Variants in GPD2 observed in about 807,000 individuals in gnomAD.
GPD2 encodes the protein glycerol-3-phosphate dehydrogenase 2.
In GPD2, 54 loss-of-function variants were observed where a neutral mutation model predicts 82.4. The observed-to-expected ratio is 0.66, with a 90% CI of 0.53 to 0.82. The LOEUF (loss-of-function observed/expected upper bound fraction) is 0.82, where lower values mean the gene tolerates loss of function less well. Ranked by LOEUF, GPD2 falls within the 40% of genes least tolerant of loss-of-function variation. The pLI, the probability that GPD2 is intolerant of heterozygous loss-of-function variation, is 0.00. For synonymous variants in GPD2, 288 were observed against 306.1 expected (o/e 0.94, Z 0.62); for missense variants, 748 against 896.2 (o/e 0.83, Z 2.11).
At chr2:156,451,830 G>A (rs1263495324) in intron 1 of GPD2, among the ~76,000 whole-genome samples, 3 of 151,588 alleles carry the variant, frequency 2.0e-5, no homozygotes, top group Non-Finnish European at 4.4e-5. Context: ...CCAGGCGGAG[G>A]GGCTCCTCAC....
chr2:156,524,961 A>G (rs1685550361), intron 6 of GPD2, among the ~76,000 whole-genome samples: 1 of 152,170 alleles, frequency 6.6e-6, no homozygotes, highest in African/African-American at 2.4e-5. Context: ...ATAAAATGTT[A>G]CTTTTATAAT....
the GPD2 span, among the ~76,000 whole-genome samples, chr2:156,405,949 A>G: frequency 6.6e-6 from 1 of 152,206 alleles, no homozygotes; most frequent in African/African-American, 2.4e-5. Flanking sequence ...GTGTTAGCTC[A>G]TCATAGAAAA....
chr2:156,561,982 CTTTTCTG>C (rs1274186287), intron 9 of GPD2, among the ~76,000 whole-genome samples: 1 of 152,150 alleles, frequency 6.6e-6, no homozygotes, highest in Non-Finnish European at 1.5e-5. Context: ...CTTGTTTGTT[CTTTTCTG>C]AAATGGGTAA....
intron 6 of GPD2, among the ~76,000 whole-genome samples, chr2:156,533,581 G>A (rs1035223627): frequency 4.6e-5 from 7 of 152,182 alleles, no homozygotes; most frequent in Non-Finnish European, 8.8e-5. Context: ...CCCAAGATAA[G>A]AGAAAACTTC....
At chr2:156,555,331 G>A (rs1686923318) in intron 8 of GPD2, among the ~76,000 whole-genome samples, 1 of 152,104 alleles carries the variant, frequency 6.6e-6, no homozygotes, top group Non-Finnish European at 1.5e-5. Flanking sequence ...TTATTGCATT[G>A]CAAGTTTTTA....
chr2:156,571,706 T>C (rs1335116060), intron 13 of GPD2, among the ~76,000 whole-genome samples: 2 of 152,008 alleles, frequency 1.3e-5, no homozygotes, highest in Admixed American at 6.6e-5. Context: ...TTTATATTTA[T>C]ATTCCAAATT....
chr2:156,435,974 C>A (rs1438417348), upstream of GPD2, among the ~76,000 whole-genome samples: 2 of 152,180 alleles, frequency 1.3e-5, no homozygotes, highest in African/African-American at 2.4e-5. Flanking sequence ...CAAGGCGGGG[C>A]GGAGGTCTGG....
At chr2:156,552,644 C>T (rs907999591) in intron 8 of GPD2, among the ~76,000 whole-genome samples, 2 of 152,094 alleles carry the variant, frequency 1.3e-5, no homozygotes, top group Non-Finnish European at 2.9e-5. Context: ...GATTATTCCC[C>T]ACAGACCTTA....
At chr2:156,523,984 ATTG>A (rs913264263) in intron 6 of GPD2, among the ~76,000 whole-genome samples, 2 of 152,148 alleles carry the variant, frequency 1.3e-5, no homozygotes, top group South Asian at 2.1e-4. Context: ...CATTCTTTTT[ATTG>A]TTGTTATTAT....
At chr2:156,435,751 G>T (rs1259011497), upstream of GPD2, 1 of 152,268 alleles carries the variant, frequency 6.6e-6, no homozygotes, top group East Asian at 1.9e-4. Flanking sequence ...TGCCGGCCGG[G>T]AGGTACAGAG....
At chr2:156,426,981 G>C in the GPD2 span, among the ~76,000 whole-genome samples, 15 of 152,214 alleles carry the variant, frequency 9.9e-5, no homozygotes, top group Non-Finnish European at 1.8e-4. Context: ...AAAGGAAGAG[G>C]GCAGAAGCAG....
rs141064619 is a variant in GPD2 at position 156,502,326 on chromosome 2, G to A, written c.274+6111G>A. ...CTTTTGATTTTATAAAAATTAAAAT[G>A]TATCCATGGCAAAAGATGTAAAAGC... On this transcript the variant is annotated intron_variant, in intron 3 of 16. Coordinates refer to ENST00000438166, the MANE Select transcript of GPD2 (RefSeq NM_000408.5). Among the ~76,000 whole-genome samples, 125 of 152,256 alleles carry A rather than the reference G, an allele frequency of 8.2e-4. No individual in the cohort carries two copies. The East Asian group carries it at 0.017, about 20-fold the overall frequency.
At chr2:156,433,372 C>T (rs922629300), upstream of GPD2, among the ~76,000 whole-genome samples, 3 of 152,180 alleles carry the variant, frequency 2.0e-5, no homozygotes, top group African/African-American at 4.8e-5. Context: ...CTGCACTTGA[C>T]GGATCAGCTG....
At chr2:156,532,867 A>G (rs536692795) in intron 6 of GPD2, among the ~76,000 whole-genome samples, 17 of 152,228 alleles carry the variant, frequency 1.1e-4, no homozygotes, top group African/African-American at 3.9e-4. Context: ...ACAGAATCAC[A>G]AATAAGGATT....
At chr2:156,539,975 G>C (rs1573979005) in intron 6 of GPD2, among the ~76,000 whole-genome samples, 3 of 152,172 alleles carry the variant, frequency 2.0e-5, no homozygotes, top group Admixed American at 6.5e-5. Context: ...TGAGGATACT[G>C]AGATTAGGGG....
At chr2:156,562,124 A>G (rs1687197164) in intron 9 of GPD2, among the ~76,000 whole-genome samples, 1 of 152,230 alleles carries the variant, frequency 6.6e-6, no homozygotes, top group Non-Finnish European at 1.5e-5. Context: ...ATGACTTAAC[A>G]GGATTGAGAG....
In GPD2 at chr2:156,507,076, C is replaced by T. The variant is rs551369192; in HGVS notation, c.275-3720C>T. Among the ~76,000 whole-genome samples, 6 of 151,924 alleles carry T rather than the reference C, an allele frequency of 3.9e-5. No homozygotes were observed. In the East Asian group the frequency reaches 7.8e-4, roughly 20 times the overall value. The stretch of plus-strand genomic sequence containing the variant: ...TCACCTAGGCTGGAGTGCAATGGCA[C>T]GATCTCGGCTCACTGCAACCTCCGC... On this transcript the variant is annotated intron_variant, in intron 3 of 16. Coordinates refer to ENST00000438166, the MANE Select transcript of GPD2 (RefSeq NM_000408.5).
chr2:156,434,401 C>T (rs998438968), upstream of GPD2, among the ~76,000 whole-genome samples: 4 of 152,120 alleles, frequency 2.6e-5, no homozygotes, highest in South Asian at 2.1e-4. Flanking sequence ...TGCGCCTGCC[C>T]GGCCACAAGG....
intron 2 of GPD2, among the ~76,000 whole-genome samples, chr2:156,488,545 A>G (rs1057433802): frequency 2.0e-5 from 3 of 152,132 alleles, no homozygotes; most frequent in Admixed American, 6.6e-5. Context: ...TTAAATATGC[A>G]CTTCTTTCAG....
Sources: allele counts gnomAD v4.1 joint callset (sites outside exome capture counted in the v4.1 genomes callset), GRCh38; gene constraint gnomAD v4.1.1; transcripts MANE v1.5; gene names NCBI Gene and HGNC (gene_info 2026-07-23, HGNC 2026-07-21).